CMTM2: variants seen among roughly 807,000 people sequenced by gnomAD.
The protein encoded by CMTM2 is CKLF-like MARVEL transmembrane domain-containing protein 2.
CMTM2 carries 15 observed loss-of-function variants against 16.8 expected under a neutral mutation model. That is an observed-to-expected ratio of 0.89 (90% confidence interval 0.60 to 1.37). CMTM2 has a LOEUF of 1.37. Ranked by LOEUF, CMTM2 falls within the 40% of genes most tolerant of loss-of-function variation. CMTM2 has a pLI of 0.00. For missense variants in CMTM2, 282 were observed against 318.0 expected, an observed-to-expected ratio of 0.89 and a Z score of 0.86; for synonymous variants, 117 against 118.7, an observed-to-expected ratio of 0.99 and a Z score of 0.09.
chr16:66,587,421 G>T (rs900961935), intron 3 of CMTM2, among the ~76,000 whole-genome samples: 3 of 152,168 alleles, frequency 2.0e-5, no homozygotes, highest in African/African-American at 7.2e-5. Context: ...GCCAGGCATG[G>T]TGGCACATGC....
rs1031507548 is a variant in CMTM2, at chr16:66,580,290, T to C, written c.444+106T>C. ...AGAGACACACCTCACCTCCCATATC[T>C]GTGCCTGGGTCAGGGACTCAGAACA... On this transcript the variant is annotated intron_variant, in intron 2 of 3. Coordinates refer to ENST00000268595, the MANE Select transcript of CMTM2 (RefSeq NM_144673.3). 3.5e-5 allele frequency: 44 copies of C among 1,256,524 alleles called. No individual in the cohort carries two copies. In the Admixed American group the frequency reaches 4.4e-4, roughly 13 times the overall value. The allele number at this position is 1,256,524 out of a possible 1,614,324, so 77.8% of individuals were successfully genotyped here.
At chr16:66,580,212 G>A (rs2144700468) in intron 2 of CMTM2, 28 bp downstream of exon 2, 1 of 1,612,624 alleles carries the variant, frequency 6.2e-7, no homozygotes. Context: ...GGGAGTGCCT[G>A]CATCCAGAAT....
At chr16:66,586,072 G>T (rs1240288036) in intron 2 of CMTM2, among the ~76,000 whole-genome samples, 1 of 152,168 alleles carries the variant, frequency 6.6e-6, no homozygotes, top group Non-Finnish European at 1.5e-5. Flanking sequence ...TATGGTATGG[G>T]GAGGGCGAGA....
At chr16:66,582,303 G>A (rs1417107166) in intron 2 of CMTM2, among the ~76,000 whole-genome samples, 1 of 152,192 alleles carries the variant, frequency 6.6e-6, no homozygotes, top group Non-Finnish European at 1.5e-5. Context: ...ATAGCTGAAG[G>A]AGGGAACTGT....
At chr16:66,584,554 T>C (rs911723237) in intron 2 of CMTM2, among the ~76,000 whole-genome samples, 10 of 152,340 alleles carry the variant, frequency 6.6e-5, no homozygotes, top group African/African-American at 2.2e-4. Context: ...AGAAAGTTAA[T>C]GTCTGTTGTT....
At chr16:66,583,151 CA>C (rs2014753891) in intron 2 of CMTM2, among the ~76,000 whole-genome samples, 1 of 152,144 alleles carries the variant, frequency 6.6e-6, no homozygotes, top group Admixed American at 6.6e-5. Context: ...TTACCAGACA[CA>C]AAAGCAGTAG....
chr16:66,584,406 C>A (rs2014768729), intron 2 of CMTM2, among the ~76,000 whole-genome samples: 3 of 152,156 alleles, frequency 2.0e-5, no homozygotes, highest in African/African-American at 7.2e-5. Flanking sequence ...CATGCACACA[C>A]ATACACACGC....
chr16:66,583,581 A>T (rs2014759274), intron 2 of CMTM2, among the ~76,000 whole-genome samples: 1 of 152,212 alleles, frequency 6.6e-6, no homozygotes, highest in African/African-American at 2.4e-5. Flanking sequence ...AAGATGTGTA[A>T]GACACTACAT....
At chr16:66,584,846 C>G (rs2014774629) in intron 2 of CMTM2, among the ~76,000 whole-genome samples, 1 of 152,096 alleles carries the variant, frequency 6.6e-6, no homozygotes, top group Non-Finnish European at 1.5e-5. Context: ...AATCCCGACA[C>G]TTTGGGAGGC....
chr16:66,580,240 T>C (rs2014706663), intron 2 of CMTM2, 56 bp downstream of exon 2: 1 of 1,583,726 alleles, frequency 6.3e-7, no homozygotes, highest in Admixed American at 1.7e-5. Context: ...AGGTGTGTCT[T>C]GGCACCTGGA....
chr16:66,580,529 G>C, intron 2 of CMTM2: 1 of 273,004 alleles, frequency 3.7e-6, no homozygotes, highest in Non-Finnish European at 6.9e-6. Context: ...CTTGACAGGA[G>C]ATCACCCCAG....
intron 2 of CMTM2, among the ~76,000 whole-genome samples, chr16:66,583,283 G>A: frequency 6.6e-6 from 1 of 152,272 alleles, no homozygotes; most frequent in East Asian, 1.9e-4. Context: ...CTTGAGGCCA[G>A]GAGTTCCAGA....
rs138259965 is a variant in CMTM2 at position 66,587,064 on chromosome 16, G to A, written c.512G>A (p.Arg171Gln). 61 of 1,613,948 alleles carry A rather than the reference G, an allele frequency of 3.8e-5. No individual in the cohort carries two copies. Among genetic ancestry groups the A allele is most frequent in the Non-Finnish European group, 3.1e-5 (37 of 1,180,014 alleles). Residue 171 changes from arginine (R) to glutamine (Q), a missense_variant, in exon 3 of 4, where the codon CGG (arginine) becomes CAG (glutamine). Arg to Gln is a conservative substitution (Grantham distance 43, BLOSUM62 1). Transcript: ENST00000268595. ...GCCGTGGTCTTTGCTGTGAGAAGTCGGCGATCCATGAATCTCCACTACTTA... is the reference window on the plus strand; with the variant it reads ...GCCGTGGTCTTTGCTGTGAGAAGTCAGCGATCCATGAATCTCCACTACTTA... ...VGAVVFAVRS[R>Q]RSMNLHYLLA...
rs1464509660 is a variant in CMTM2, at chr16:66,579,980, G to T, written c.286-46G>T. The stretch of plus-strand genomic sequence containing the variant: ...GGCTCCAGGGGTCCTCAGAGAGATG[G>T]TGAAAGGCCCTTGCTGCTGGCTCAG... On this transcript the variant is annotated intron_variant, in intron 1 of 3. Transcript: ENST00000268595. The surrounding 1 kb of genome is among the most constrained non-coding windows in gnomAD (Gnocchi z 6.5). 1.2e-6 allele frequency: 2 copies of T among 1,613,342 alleles called. No individual in the cohort carries two copies. The highest frequency in any genetic ancestry group is 1.7e-5 in the Admixed American group (1 of 60,002).
chr16:66,579,539 C>T lies in CMTM2; in HGVS notation c.-69C>T. On this transcript the variant is annotated 5_prime_UTR_variant, in exon 1 of 4. Coordinates refer to ENST00000268595, the MANE Select transcript of CMTM2 (RefSeq NM_144673.3). The surrounding 1 kb of genome is among the most constrained non-coding windows in gnomAD (Gnocchi z 6.5). ...ACACCAGGCACTCTAGTAGGCCTGG[C>T]CTACCCAGAAACAGCAGGAGAGAGA... The T allele has an allele frequency of 6.3e-7, 1 of 1,583,158 alleles. No individual in the cohort carries two copies. Among genetic ancestry groups the T allele is most frequent in the Non-Finnish European group, 8.6e-7 (1 of 1,164,344 alleles).
chr16:66,580,862 T>A (rs1415819361), intron 2 of CMTM2: 2 of 152,282 alleles, frequency 1.3e-5, no homozygotes, highest in Admixed American at 6.6e-5. Flanking sequence ...TGAGGACTCA[T>A]GGAATTGAAT....
At position 66,579,527 on chromosome 16, in the gene CMTM2, TAGTAGG is replaced by T. The variant is rs1360886548; in HGVS notation, c.-80_-75del. ...GCCGCTCGGTGGACACCAGGCACTC[TAGTAGG>T]CCTGGCCTACCCAGAAACAGCAGGA... On this transcript the variant is annotated 5_prime_UTR_variant, in exon 1 of 4. Coordinates refer to ENST00000268595, the MANE Select transcript of CMTM2 (RefSeq NM_144673.3). The surrounding 1 kb of genome is among the most constrained non-coding windows in gnomAD (Gnocchi z 6.5). 6.4e-7 allele frequency: 1 copy of T among 1,557,626 alleles called. No homozygotes were observed. Among genetic ancestry groups the T allele is most frequent in the African/African-American group, 1.4e-5 (1 of 73,552 alleles).
At chr16:66,585,284 C>T (rs1468169263) in intron 2 of CMTM2, among the ~76,000 whole-genome samples, 1 of 152,136 alleles carries the variant, frequency 6.6e-6, no homozygotes, top group African/African-American at 2.4e-5. Flanking sequence ...TGGCAGGTGC[C>T]TATAGTCCCA....
intron 3 of CMTM2, among the ~76,000 whole-genome samples, chr16:66,587,628 C>T (rs1321854118): frequency 5.9e-5 from 9 of 152,106 alleles, no homozygotes; most frequent in Non-Finnish European, 1.0e-4. Context: ...AGATGATGTC[C>T]GGGGAGCCAG....
Sources: allele counts gnomAD v4.1 joint callset (sites outside exome capture counted in the v4.1 genomes callset), GRCh38; gene constraint gnomAD v4.1.1; non-coding constraint Gnocchi (gnomAD v3.1); transcripts MANE v1.5; gene names NCBI Gene and HGNC (gene_info 2026-07-23, HGNC 2026-07-21).